EPHA6: variants seen among roughly 807,000 people sequenced by gnomAD.
EPHA6 encodes the protein EPH receptor A6, also known as ephrin type-A receptor 6.
EPHA6 carries 50 observed loss-of-function variants against 112.0 expected under a neutral mutation model. The ratio of observed to expected loss-of-function variants is 0.45; its 90% confidence interval spans 0.36 to 0.56. EPHA6 has a LOEUF of 0.56. Ranked by LOEUF, EPHA6 falls within the 20% of genes least tolerant of loss-of-function variation. The pLI, the probability that EPHA6 is intolerant of heterozygous loss-of-function variation, is 0.00. For synonymous variants in EPHA6, 529 were observed against 490.7 expected (o/e 1.08, Z -1.03); for missense variants, 1,280 against 1,417.4 (o/e 0.90, Z 1.56).
At chr3:97,091,853 T>C (rs1576471339) in intron 3 of EPHA6, among the ~76,000 whole-genome samples, 1 of 152,076 alleles carries the variant, frequency 6.6e-6, no homozygotes, top group East Asian at 1.9e-4. Context: ...AAAAGAAATG[T>C]AAACCTTTGA....
chr3:97,264,626 A>C (rs1441746610), intron 5 of EPHA6, among the ~76,000 whole-genome samples: 1 of 152,230 alleles, frequency 6.6e-6, no homozygotes, highest in African/African-American at 2.4e-5. Context: ...GTTTCAGCCC[A>C]GTTTGTGATA....
chr3:97,176,035 G>T (rs1451885618), intron 3 of EPHA6, among the ~76,000 whole-genome samples: 3 of 151,648 alleles, frequency 2.0e-5, no homozygotes, highest in Non-Finnish European at 3.0e-5. Context: ...TACTAGCTTT[G>T]GTCTGTCATA....
At chr3:97,009,698 A>G (rs1211738766) in intron 3 of EPHA6, among the ~76,000 whole-genome samples, 3 of 152,220 alleles carry the variant, frequency 2.0e-5, no homozygotes, top group African/African-American at 7.2e-5. Context: ...TGCACATTCC[A>G]GGGTTGGGAA....
intron 14 of EPHA6, chr3:97,648,313 CTCTGCTAT>C (rs777384038): frequency 9.4e-6 from 13 of 1,381,380 alleles, no homozygotes. Flanking sequence ...AACACTTAAC[CTCTGCTAT>C]TCTGCATAAA....
chr3:97,276,491 G>A (rs183951415), intron 5 of EPHA6, among the ~76,000 whole-genome samples: 292 of 152,248 alleles, frequency 1.9e-3, no homozygotes, highest in African/African-American at 5.5e-3. Context: ...GGCCGACTGC[G>A]GTTCAGGCGT....
chr3:96,848,793 A>G (rs1220644137), intron 1 of EPHA6, among the ~76,000 whole-genome samples: 1 of 152,022 alleles, frequency 6.6e-6, no homozygotes, highest in Non-Finnish European at 1.5e-5. Flanking sequence ...TCCAGACTAG[A>G]GTTTACTCAT....
chr3:96,846,905 G>A (rs1170401865), intron 1 of EPHA6, among the ~76,000 whole-genome samples: 2 of 152,018 alleles, frequency 1.3e-5, no homozygotes, highest in Non-Finnish European at 2.9e-5. Flanking sequence ...TGCTGCTGGA[G>A]TCTCATGTTT....
At chr3:96,904,806 GTACAGGAT>G (rs2038838626) in intron 2 of EPHA6, among the ~76,000 whole-genome samples, 2 of 152,150 alleles carry the variant, frequency 1.3e-5, no homozygotes, top group South Asian at 4.1e-4. Context: ...TAAATTTGAT[GTACAGGAT>G]GATGACATGC....
rs2036156287 is a variant in EPHA6, at chr3:97,761,160, CAG to C, written c.*12461_*12462del. 1 of 200,660 alleles carries C rather than the reference CAG, an allele frequency of 5.0e-6. No individual in the cohort carries two copies. Among genetic ancestry groups the C allele is most frequent in the South Asian group, 1.9e-4 (1 of 5,248 alleles). 12.4% of individuals were successfully genotyped at this position (200,660 alleles called of 1,614,324 possible). A position where few individuals can be genotyped will look rare whatever the true frequency, so the allele number is the denominator to read the frequency against. ...ACTTTACTATAGCAGTGAAGTAGTCCAGACTTATTTGAAGGTGGTACTATTTT... is the reference window on the plus strand; with the variant it reads ...ACTTTACTATAGCAGTGAAGTAGTCCACTTATTTGAAGGTGGTACTATTTT... On this transcript the variant is annotated 3_prime_UTR_variant, in exon 18 of 18. Transcript: ENST00000389672.
At chr3:97,068,650 T>A (rs2046256534) in intron 3 of EPHA6, among the ~76,000 whole-genome samples, 1 of 151,876 alleles carries the variant, frequency 6.6e-6, no homozygotes, top group Admixed American at 6.6e-5. Flanking sequence ...TGCAATGGAC[T>A]GAATGTTTTA....
At chr3:97,102,753 A>G (rs1433132841) in intron 3 of EPHA6, among the ~76,000 whole-genome samples, 1 of 151,766 alleles carries the variant, frequency 6.6e-6, no homozygotes, top group East Asian at 1.9e-4. Flanking sequence ...AAGTATAAGC[A>G]TTTCCTTTTC....
intron 3 of EPHA6, among the ~76,000 whole-genome samples, chr3:97,150,882 C>T (rs565679326): frequency 1.3e-5 from 2 of 152,220 alleles, no homozygotes; most frequent in Admixed American, 1.3e-4. Flanking sequence ...TGAGCCAAAT[C>T]TCATGACTAC....
At chr3:96,915,100 T>G (rs904004028) in intron 2 of EPHA6, among the ~76,000 whole-genome samples, 6 of 151,944 alleles carry the variant, frequency 3.9e-5, no homozygotes, top group African/African-American at 1.4e-4. Flanking sequence ...AAGGGATGGA[T>G]TTTTAAAGCT....
At chr3:97,242,291 A>C (rs1201998438) in intron 4 of EPHA6, among the ~76,000 whole-genome samples, 1 of 151,780 alleles carries the variant, frequency 6.6e-6, no homozygotes, top group Non-Finnish European at 1.5e-5. Flanking sequence ...CTCCCTCTGC[A>C]GTCTAGCCAC....
chr3:97,172,064 A>G (rs2076718164), intron 3 of EPHA6, among the ~76,000 whole-genome samples: 1 of 152,000 alleles, frequency 6.6e-6, no homozygotes, highest in Non-Finnish European at 1.5e-5. Context: ...TAATGAAATG[A>G]TGAGGGGAAG....
At chr3:97,317,401 A>G (rs183874352) in intron 5 of EPHA6, among the ~76,000 whole-genome samples, 2 of 152,142 alleles carry the variant, frequency 1.3e-5, no homozygotes, top group East Asian at 1.9e-4. Context: ...TTAATAAACT[A>G]CAAAAAAAGT....
At chr3:97,381,229 A>G (rs1217807750) in intron 5 of EPHA6, among the ~76,000 whole-genome samples, 1 of 152,134 alleles carries the variant, frequency 6.6e-6, no homozygotes, top group African/African-American at 2.4e-5. Context: ...AAATATAGCT[A>G]TTATATAAAA....
At chr3:96,991,888 G>A (rs1467462782) in intron 3 of EPHA6, among the ~76,000 whole-genome samples, 2 of 152,130 alleles carry the variant, frequency 1.3e-5, no homozygotes, top group African/African-American at 4.8e-5. Context: ...GAAAGGCAGG[G>A]AACACAACAG....
intron 14 of EPHA6, among the ~76,000 whole-genome samples, chr3:97,696,357 CT>C (rs1253843610): frequency 6.6e-6 from 1 of 152,194 alleles, no homozygotes; most frequent in African/African-American, 2.4e-5. Context: ...GACTTTTTCT[CT>C]CATGGAATTC....
Sources: allele counts gnomAD v4.1 joint callset (sites outside exome capture counted in the v4.1 genomes callset), GRCh38; gene constraint gnomAD v4.1.1; transcripts MANE v1.5; gene names NCBI Gene and HGNC (gene_info 2026-07-23, HGNC 2026-07-21).